The following DNAI4 variants were observed in gnomAD, a reference collection of about 807,000 sequenced individuals.
DNAI4 encodes WD repeat domain 78.
DNAI4 carries 85 observed loss-of-function variants against 105.8 expected under a neutral mutation model. The observed-to-expected ratio is 0.80, with a 90% confidence interval of 0.67 to 0.96. The LOEUF is 0.96. DNAI4 is among the 40% of genes least tolerant of loss of function. The probability of loss-of-function intolerance (pLI) is 0.00; values close to 1 mark genes in which losing one functional copy is unlikely to be tolerated. For synonymous variants in DNAI4, 352 were observed against 331.5 expected, an observed-to-expected ratio of 1.06 and a Z score of -0.67; for missense variants, 1,014 against 1,005.6, an observed-to-expected ratio of 1.01 and a Z score of -0.11.
intron 9 of DNAI4, among the ~76,000 whole-genome samples, chr1:66,838,373 G>A (rs1214382131): frequency 6.6e-6 from 1 of 152,198 alleles, no homozygotes; most frequent in Non-Finnish European, 1.5e-5. Flanking sequence ...TGAGGACACA[G>A]TGAAAAGGCA....
At chr1:66,837,819 T>G in intron 9 of DNAI4, 23 bp from the exon 10 acceptor site, 5 of 1,580,760 alleles carry the variant, frequency 3.2e-6, no homozygotes, top group Non-Finnish European at 4.3e-6. Flanking sequence ...AAAATACATT[T>G]AAAAATAAGA....
At chr1:66,862,549 T>A (rs1322336204) in intron 6 of DNAI4, among the ~76,000 whole-genome samples, 3 of 152,172 alleles carry the variant, frequency 2.0e-5, no homozygotes, top group Non-Finnish European at 4.4e-5. Flanking sequence ...GACAACATGG[T>A]AAGACCCTCT....
At chr1:66,875,078 G>T in intron 4 of DNAI4, 141 bp from the exon 5 acceptor site, 1 of 822,704 alleles carries the variant, frequency 1.2e-6, no homozygotes, top group Non-Finnish European at 1.8e-6. Context: ...GTTGTGAGAT[G>T]TAGTATATTC....
chr1:66,863,659 T>C (rs1353646436), intron 6 of DNAI4, among the ~76,000 whole-genome samples: 1 of 152,114 alleles, frequency 6.6e-6, no homozygotes, highest in Non-Finnish European at 1.5e-5. Flanking sequence ...GGGTTCACCA[T>C]GTTGGCCAGG....
intron 13 of DNAI4, among the ~76,000 whole-genome samples, chr1:66,832,147 C>T (rs1466706412): frequency 6.6e-6 from 1 of 152,102 alleles, no homozygotes; most frequent in Non-Finnish European, 1.5e-5. Flanking sequence ...TCCCTGCCCA[C>T]ATTGAGAACT....
intron 3 of DNAI4, among the ~76,000 whole-genome samples, 166 bp downstream of exon 3, chr1:66,893,063 G>GAGAGAGAGAGAGAGAAAGAAAGAA (rs879150798): frequency 1.1e-5 from 1 of 89,540 alleles, no homozygotes; most frequent in African/African-American, 4.9e-5. Flanking sequence ...AAGAGAGAGA[G>GAGAGAGAGAGAGAGAAAGAAAGAA]AGAAAGAAAG....
chr1:66,815,145 G>A (rs1572573184), intron 16 of DNAI4, among the ~76,000 whole-genome samples: 1 of 152,130 alleles, frequency 6.6e-6, no homozygotes, highest in South Asian at 2.1e-4. Context: ...TTCAAGCCAT[G>A]CACACCAAAT....
Position 66,819,701 on chromosome 1 carries a change from G to A in DNAI4, c.2496+2660C>T, listed in dbSNP as rs757174169. On this transcript the variant is annotated intron_variant, in intron 16 of 16. Coordinates refer to ENST00000371026, the MANE Select transcript of DNAI4 (RefSeq NM_024763.5). ...ATATATAATATACACACACAAATAC[G>A]TATATACATTTGATGAAAAGAAAAG... Among the ~76,000 whole-genome samples, 122 of 151,916 alleles carry A rather than the reference G, an allele frequency of 8.0e-4. 2 individuals carry two copies. The highest frequency in any genetic ancestry group is 3.4e-3 in the Middle Eastern group (1 of 294).
chr1:66,820,937 A>G (rs1054681833), intron 16 of DNAI4, among the ~76,000 whole-genome samples: 13 of 151,868 alleles, frequency 8.6e-5, no homozygotes, highest in African/African-American at 3.1e-4. Context: ...TTGGATATTT[A>G]TGTTGTTCTG....
chr1:66,920,883 A>T (rs551603173), intron 1 of DNAI4, among the ~76,000 whole-genome samples: 28 of 152,354 alleles, frequency 1.8e-4, no homozygotes, highest in Non-Finnish European at 3.4e-4. Context: ...TAAACAGTAA[A>T]CACAGCCTAA....
intron 13 of DNAI4, chr1:66,828,552 T>G (rs760199511): frequency 1.3e-5 from 2 of 152,162 alleles, no homozygotes; most frequent in Non-Finnish European, 2.9e-5. Context: ...CACTTTACGT[T>G]CCTTGGCCAC....
At chr1:66,882,942 A>AT (rs537127151) in intron 4 of DNAI4, among the ~76,000 whole-genome samples, 1,585 of 151,088 alleles carry the variant, frequency 0.01, 26 homozygotes, top group African/African-American at 0.036. Context: ...TCATTTATTT[A>AT]TTTTTTTTTA....
At chr1:66,851,213 A>G (rs1038250430) in intron 7 of DNAI4, among the ~76,000 whole-genome samples, 2 of 151,900 alleles carry the variant, frequency 1.3e-5, no homozygotes, top group African/African-American at 2.4e-5. Context: ...AATATCATAT[A>G]AAGTTGACTT....
chr1:66,908,855 C>T (rs901917847), intron 1 of DNAI4, among the ~76,000 whole-genome samples: 15 of 152,182 alleles, frequency 9.9e-5, no homozygotes, highest in African/African-American at 3.6e-4. Context: ...ATGAAAACCT[C>T]CTCTCACATT....
chr1:66,829,901 G>T (rs1645831250), intron 13 of DNAI4, among the ~76,000 whole-genome samples: 1 of 152,082 alleles, frequency 6.6e-6, no homozygotes, highest in Admixed American at 6.6e-5. Context: ...TTAGAAATTG[G>T]TAACAGAAAG....
chr1:66,913,277 A>T (rs1242297826), intron 1 of DNAI4, among the ~76,000 whole-genome samples: 3 of 151,958 alleles, frequency 2.0e-5, no homozygotes, highest in Admixed American at 2.0e-4. Context: ...GTTGTTGGGG[A>T]TTTTTGTTGT....
intron 6 of DNAI4, among the ~76,000 whole-genome samples, chr1:66,863,996 T>C (rs1340536599): frequency 6.6e-6 from 1 of 152,208 alleles, no homozygotes; most frequent in Non-Finnish European, 1.5e-5. Flanking sequence ...TATAGGAACA[T>C]ACTGTTACAT....
At chr1:66,848,861 C>G (rs1477573757) in intron 7 of DNAI4, among the ~76,000 whole-genome samples, 1 of 152,158 alleles carries the variant, frequency 6.6e-6, no homozygotes, top group Non-Finnish European at 1.5e-5. Flanking sequence ...TCTACTCCAG[C>G]CAAGCACAGA....
At chr1:66,921,284 A>G (rs1483455555) in intron 1 of DNAI4, 1 of 152,208 alleles carries the variant, frequency 6.6e-6, no homozygotes, top group Non-Finnish European at 1.5e-5. Context: ...TTTTATTGCA[A>G]TGGGAGACTT....
Sources: gnomAD v4.1 joint callset for allele counts (sites outside exome capture counted in the v4.1 genomes callset) on GRCh38, gnomAD v4.1.1 for gene constraint, MANE v1.5 for transcripts, NCBI Gene and HGNC (gene_info 2026-07-23, HGNC 2026-07-21) for gene names.